Variants in CLTCL1 observed in about 807,000 individuals in gnomAD.
The protein encoded by CLTCL1 is clathrin heavy chain 2.
Under a neutral mutation model 190.0 loss-of-function variants are expected in CLTCL1, and 159 were observed. The ratio of observed to expected loss-of-function variants is 0.84; its 90% CI spans 0.74 to 0.95. CLTCL1 has a LOEUF of 0.95. Among genes scored for constraint, CLTCL1 ranks in the 40% least tolerant of loss-of-function variants. The pLI, the probability that CLTCL1 is intolerant of heterozygous loss-of-function variation, is 0.00. For missense variants in CLTCL1, 1,878 were observed against 2,033.4 expected, an observed-to-expected ratio of 0.92 and a Z score of 1.47; for synonymous variants, 752 against 769.6, an observed-to-expected ratio of 0.98 and a Z score of 0.38.
chr22:19,282,075 A>C (rs544874848), intron 1 of CLTCL1, among the ~76,000 whole-genome samples: 1 of 148,794 alleles, frequency 6.7e-6, no homozygotes, highest in South Asian at 2.1e-4. Flanking sequence ...TCACGCCTAT[A>C]ATCCTAGCAC....
Position 19,183,607 on chromosome 22 carries a change from G to A in CLTCL1, c.4610C>T (p.Ala1537Val). The A allele has an allele frequency of 2.5e-6, 4 of 1,613,302 alleles. No homozygotes were observed. Among genetic ancestry groups the A allele is most frequent in the Non-Finnish European group, 3.4e-6 (4 of 1,179,744 alleles). ...CCGCGACTCTGCAGCATGCTGCATG[G>A]CATCCTGCAGCCAAGGCAAATGCTT... ...LCKKDHLYKD[A>V]MQHAAESRDA... The change falls in exon 30 of 33, where the codon GCC (alanine) becomes GTC (valine). Residue 1537 changes from alanine to valine, a missense_variant. Ala to Val is a moderately conservative substitution (Grantham distance 64, BLOSUM62 0). Transcript: ENST00000427926.
chr22:19,249,905 A>C lies in CLTCL1; in HGVS notation c.519+4054T>G, dbSNP rs570544669. The C allele has an allele frequency of 7.1e-5, 31 of 433,596 alleles. No homozygotes were observed. In the East Asian group the frequency reaches 1.9e-3, roughly 27 times the overall value. The allele number at this position is 433,596 out of a possible 1,614,324, so 26.9% of individuals were successfully genotyped here. A position where few individuals can be genotyped will look rare whatever the true frequency, so the allele number is the denominator to read the frequency against. ...ACCATGCAAAAGCAATCTTCCCTTT[A>C]GAATGACTGATGGTATGCTAAGGTT... On this transcript the variant is annotated intron_variant, in intron 3 of 32. Coordinates refer to ENST00000427926, the MANE Select transcript of CLTCL1 (RefSeq NM_007098.4).
intron 27 of CLTCL1, among the ~76,000 whole-genome samples, chr22:19,189,195 G>A (rs1486350473): frequency 2.6e-5 from 4 of 152,174 alleles, no homozygotes; most frequent in African/African-American, 4.8e-5. Context: ...GAGCCACCGC[G>A]CTCGGCTGGC....
At chr22:19,274,782 T>C (rs1354229834) in intron 2 of CLTCL1, among the ~76,000 whole-genome samples, 1 of 150,594 alleles carries the variant, frequency 6.6e-6, no homozygotes, top group African/African-American at 2.5e-5. Context: ...CAGGCTGGAG[T>C]GCAATGGCGC....
Position 19,187,547 on chromosome 22 carries a change from A to C in CLTCL1, c.4605+11T>G. The C allele has an allele frequency of 6.2e-7, 1 of 1,600,148 alleles. No individual in the cohort carries two copies. The highest frequency in any genetic ancestry group is 8.5e-7 in the Non-Finnish European group (1 of 1,170,350). ...CAGGAAGGTGGGAGGAAACGGGCCC[A>C]GGCCACCAACCTTGTAGAGATGATC... On this transcript the variant is annotated intron_variant, in intron 29 of 32. Coordinates refer to ENST00000427926, the MANE Select transcript of CLTCL1 (RefSeq NM_007098.4).
intron 13 of CLTCL1, among the ~76,000 whole-genome samples, chr22:19,224,743 C>T (rs1228860300): frequency 6.6e-6 from 1 of 152,210 alleles, no homozygotes; most frequent in Non-Finnish European, 1.5e-5. Context: ...CAATCGTCTG[C>T]CATGGTCTTT....
intron 18 of CLTCL1, among the ~76,000 whole-genome samples, chr22:19,219,494 A>AT (rs1236270800): frequency 2.1e-5 from 3 of 139,886 alleles, no homozygotes; most frequent in African/African-American, 8.2e-5. Flanking sequence ...CTATTTATTT[A>AT]TTTTTTTGAG....
chr22:19,226,327 A>C lies in CLTCL1; in HGVS notation c.1839T>G (p.Ile613Met), dbSNP rs1555956074. ...GGCCTGCCTTCTCACAGAGCTGGGCAATGTGGGCCCGGTCGTAATGAGTAA... is the reference window on the plus strand; with the variant it reads ...GGCCTGCCTTCTCACAGAGCTGGGCCATGTGGGCCCGGTCGTAATGAGTAA... ...KMFTHYDRAH[I>M]AQLCEKAGLL... Residue 613 changes from isoleucine (I) to methionine (M), a missense_variant, in exon 12 of 33, where the codon ATT becomes ATG. Coordinates refer to ENST00000427926, the MANE Select transcript of CLTCL1 (RefSeq NM_007098.4). The C allele has an allele frequency of 6.2e-7, 1 of 1,614,062 alleles. No individual in the cohort carries two copies. Among genetic ancestry groups the C allele is most frequent in the East Asian group, 2.2e-5 (1 of 44,892 alleles).
At chr22:19,273,310 A>G (rs1319578852) in intron 2 of CLTCL1, among the ~76,000 whole-genome samples, 1 of 152,150 alleles carries the variant, frequency 6.6e-6, no homozygotes, top group African/African-American at 2.4e-5. Flanking sequence ...AAATAAGATA[A>G]AGCCTTAAAA....
Position 19,254,148 on chromosome 22 carries a change from GA to G in CLTCL1, c.329del (p.Phe110SerfsTer7), listed in dbSNP as rs1555971446. ...KAHTMAEEVI[F>X]WKWVSVNTVA... is the part of the protein sequence containing the mutation. ...CAGTGTTCACAGAAACCCATTTCCA[GA>G]AAATCACTTCTTCTGCCATAGTATG... On this transcript the variant is annotated frameshift_variant, in exon 3 of 33. Coordinates refer to ENST00000427926, the MANE Select transcript of CLTCL1 (RefSeq NM_007098.4). LOFTEE classifies it high-confidence loss of function. 1.2e-6 allele frequency: 2 copies of G among 1,613,814 alleles called. No individual in the cohort carries two copies. The highest frequency in any genetic ancestry group is 1.7e-6 in the Non-Finnish European group (2 of 1,179,836).
Position 19,183,394 on chromosome 22 carries a change from C to G in CLTCL1, c.4823G>C (p.Ser1608Thr), listed in dbSNP as rs1555926669. ...YFIQVMREYL[S>T]KVDKLDALES... ...TGCAGCCGGCCCGGCACCTACCTTG[C>G]TCAGGTACTCCCTCATCACCTGGAT... The change falls in exon 30 of 33, where the codon AGC (serine) becomes ACC (threonine). Residue 1608 changes from serine (S) to threonine (T), a missense_variant. Ser to Thr is a moderately conservative substitution (Grantham distance 58). Transcript: ENST00000427926. 6.2e-7 allele frequency: 1 copy of G among 1,612,952 alleles called. No homozygotes were observed. The highest frequency in any genetic ancestry group is 1.1e-5 in the South Asian group (1 of 91,016).
rs1316557300 is a variant in CLTCL1 at position 19,206,973 on chromosome 22, C to T, written c.3600+1181G>A. ...ATTAAAAAAGGAATGTTTTCTTCCC[C>T]ATTATGTTATCTGATTTTTGGTGAC... On this transcript the variant is annotated intron_variant, in intron 22 of 32. Coordinates refer to ENST00000427926, the MANE Select transcript of CLTCL1 (RefSeq NM_007098.4). Among the ~76,000 whole-genome samples the T allele has an allele frequency of 2.7e-5, 4 of 150,122 alleles. No individual in the cohort carries two copies. The East Asian group carries it at 7.8e-4, about 29-fold the overall frequency.
intron 26 of CLTCL1, among the ~76,000 whole-genome samples, chr22:19,193,009 G>GAGA (rs1243541058): frequency 6.6e-6 from 1 of 152,226 alleles, no homozygotes; most frequent in Non-Finnish European, 1.5e-5. Flanking sequence ...TGGGGCTGAA[G>GAGA]AGAAGGGTAG....
intron 3 of CLTCL1, among the ~76,000 whole-genome samples, chr22:19,249,435 TA>T (rs1242221923): frequency 2.0e-5 from 3 of 152,156 alleles, no homozygotes; most frequent in Admixed American, 6.6e-5. Flanking sequence ...CTACTGATAT[TA>T]TTTTGATTCA....
chr22:19,276,844 ATTT>A (rs782062458), intron 1 of CLTCL1, among the ~76,000 whole-genome samples: 3 of 149,908 alleles, frequency 2.0e-5, no homozygotes, highest in Non-Finnish European at 4.5e-5. Flanking sequence ...TATTTTTTGT[ATTT>A]TTTTTTAGTA....
chr22:19,209,228 A>C, intron 20 of CLTCL1, 114 bp from the exon 21 acceptor site: 1 of 886,406 alleles, frequency 1.1e-6, no homozygotes. Context: ...ATTTCACTTC[A>C]GTCAGAAGCA....
rs782125160 is a variant in CLTCL1, at chr22:19,209,016, G to C, written c.3348C>G (p.Leu1116=). ...AVWSQLAQAQ[L]QKDLVKEAIN... ...TGGCTTCCTTCACCAAATCTTTCTG[G>C]AGCTGGGCTTGGGCCAGCTGACTCC... The change falls in exon 21 of 33, where the codon CTC becomes CTG. Residue 1116 remains leucine, a synonymous_variant. Coordinates refer to ENST00000427926, the MANE Select transcript of CLTCL1 (RefSeq NM_007098.4). 3 of 1,611,462 alleles carry C rather than the reference G, an allele frequency of 1.9e-6. No homozygotes were observed. The highest frequency in any genetic ancestry group is 1.6e-4 in the Middle Eastern group (1 of 6,082).
intron 19 of CLTCL1, 89 bp from the exon 20 acceptor site, chr22:19,210,598 G>T: frequency 2.7e-6 from 3 of 1,128,574 alleles, no homozygotes; most frequent in Non-Finnish European, 3.7e-6. Context: ...CAGACCCCCA[G>T]TTTTTTTAAA....
chr22:19,219,946 G>C lies in CLTCL1; in HGVS notation c.2858C>G (p.Pro953Arg), dbSNP rs181361214. The C allele has an allele frequency of 1.7e-5, 28 of 1,613,876 alleles. No homozygotes were observed. Among genetic ancestry groups the C allele is most frequent in the Admixed American group, 1.7e-5 (1 of 59,990 alleles). ...CTCAAGGACGTGAGCCCAGAGCTCC[G>C]GATCCTTTCTGCATACCAGGTAGCG... ...EARYLVCRKD[P>R]ELWAHVLEET... is the part of the protein sequence containing the mutation. Residue 953 changes from proline to arginine, a missense_variant, in exon 18 of 33, where the codon CCG becomes CGG. Physicochemically the swap from Pro to Arg is moderately radical, Grantham distance 103. Coordinates refer to ENST00000427926, the MANE Select transcript of CLTCL1 (RefSeq NM_007098.4).
Sources: gnomAD v4.1 joint callset for allele counts (sites outside exome capture counted in the v4.1 genomes callset) on GRCh38, gnomAD v4.1.1 for gene constraint, MANE v1.5 for transcripts, NCBI Gene and HGNC (gene_info 2026-07-23, HGNC 2026-07-21) for gene names.